ARHGEF12: variants seen among roughly 807,000 people sequenced by gnomAD.
The protein encoded by ARHGEF12 is KMT2A/ARHGEF12 fusion protein.
A neutral mutation model predicts 211.2 loss-of-function variants in ARHGEF12; 66 were observed. That is an observed-to-expected ratio of 0.31 (90% confidence interval 0.26 to 0.38). The LOEUF (loss-of-function observed/expected upper bound fraction) is 0.38, where lower values mean the gene tolerates loss of function less well. Among genes scored for constraint, ARHGEF12 ranks in the 10% least tolerant of loss-of-function variants. The pLI is 1.00. For synonymous variants in ARHGEF12, 592 were observed against 638.4 expected (o/e 0.93, Z 1.09); for missense variants, 1,429 against 1,869.5 (o/e 0.76, Z 4.34).
At chr11:120,362,833 G>T (rs1943313638) in intron 1 of ARHGEF12, among the ~76,000 whole-genome samples, 1 of 152,188 alleles carries the variant, frequency 6.6e-6, no homozygotes, top group African/African-American at 2.4e-5. Context: ...AGGCGCAGTG[G>T]CTCATGCCTG....
intron 1 of ARHGEF12, among the ~76,000 whole-genome samples, chr11:120,374,588 T>A (rs1370251637): frequency 6.6e-6 from 1 of 152,158 alleles, no homozygotes; most frequent in African/African-American, 2.4e-5. Context: ...CTTACGGATT[T>A]TAAATATGTG....
intron 29 of ARHGEF12, 23 bp downstream of exon 29, chr11:120,467,331 A>G (rs2305011): frequency 0.14 from 207,408 of 1,470,502 alleles, 17,876 homozygotes; most frequent in Admixed American, 0.34. Flanking sequence ...CACTGAAATA[A>G]AAAGCTTAAG....
intron 38 of ARHGEF12, among the ~76,000 whole-genome samples, chr11:120,480,780 G>C (rs1947210977): frequency 6.6e-6 from 1 of 152,164 alleles, no homozygotes; most frequent in Non-Finnish European, 1.5e-5. Flanking sequence ...CAAACAGGGT[G>C]ATCAGGGATT....
chr11:120,369,348 T>G (rs1476566664), intron 1 of ARHGEF12, among the ~76,000 whole-genome samples: 1 of 152,056 alleles, frequency 6.6e-6, no homozygotes. Context: ...AGGCTGGTCT[T>G]GAACTCCTGA....
In ARHGEF12 at chr11:120,457,699, TCTTTA is replaced by T; in HGVS notation, c.2190-17_2190-13del. On this transcript the variant is annotated splice_polypyrimidine_tract_variant and intron_variant, in intron 23 of 40. Coordinates refer to ENST00000397843, the MANE Select transcript of ARHGEF12 (RefSeq NM_015313.3). ...GATCACCATTTTGTTTTCATGTTAC[TCTTTA>T]CTTTCCATTGTTTTAGGGTGACTGA... 6.3e-7 allele frequency: 1 copy of T among 1,581,222 alleles called. No homozygotes were observed. Among genetic ancestry groups the T allele is most frequent in the Non-Finnish European group, 8.6e-7 (1 of 1,163,462 alleles).
intron 1 of ARHGEF12, among the ~76,000 whole-genome samples, chr11:120,369,341 C>G (rs1045794030): frequency 6.6e-6 from 1 of 152,068 alleles, no homozygotes; most frequent in African/African-American, 2.4e-5. Context: ...GTTGGCCAGG[C>G]TGGTCTTGAA....
intron 1 of ARHGEF12, among the ~76,000 whole-genome samples, chr11:120,346,598 G>C (rs1222124151): frequency 2.0e-5 from 3 of 152,176 alleles, no homozygotes; most frequent in Non-Finnish European, 4.4e-5. Context: ...ATCCTCTTAA[G>C]GAAAGTGGAG....
intron 1 of ARHGEF12, chr11:120,337,621 G>A (rs942454463): frequency 2.9e-5 from 29 of 985,204 alleles, no homozygotes; most frequent in Non-Finnish European, 3.5e-5. Flanking sequence ...AAGTCGGCTC[G>A]GTATTGGTGT....
intron 4 of ARHGEF12, chr11:120,410,087 T>A (rs1944835697): frequency 6.6e-6 from 1 of 152,184 alleles, no homozygotes; most frequent in Non-Finnish European, 1.5e-5. Flanking sequence ...TGGTACCTTT[T>A]AAATAATCTT....
intron 22 of ARHGEF12, among the ~76,000 whole-genome samples, chr11:120,452,716 T>G (rs1205778136): frequency 6.6e-6 from 1 of 151,894 alleles, no homozygotes; most frequent in Non-Finnish European, 1.5e-5. Context: ...GAAGACAAGG[T>G]CGGGTGCAGT....
chr11:120,453,017 AC>A (rs746855450), intron 22 of ARHGEF12, among the ~76,000 whole-genome samples: 1,646 of 141,474 alleles, frequency 0.012, 34 homozygotes, highest in African/African-American at 0.037. Flanking sequence ...AAAAACAAAA[AC>A]AAAAAAAAAC....
intron 1 of ARHGEF12, among the ~76,000 whole-genome samples, chr11:120,351,417 A>T (rs1306625922): frequency 5.7e-4 from 1 of 1,740 alleles, no homozygotes; most frequent in Admixed American, 7.8e-3. Context: ...GAATATATAT[A>T]TATATATATA....
chr11:120,473,272 C>A (rs1946926982), intron 31 of ARHGEF12, 145 bp downstream of exon 31: 1 of 692,710 alleles, frequency 1.4e-6, no homozygotes, highest in East Asian at 2.8e-5. Context: ...TTTTTTGCTG[C>A]CTTTTAAATG....
intron 3 of ARHGEF12, 99 bp from the exon 4 acceptor site, chr11:120,409,295 A>G (rs1944811930): frequency 8.3e-7 from 1 of 1,209,814 alleles, no homozygotes; most frequent in Admixed American, 1.9e-5. Context: ...TGCACGATTT[A>G]ACTTGATCAT....
In ARHGEF12 at chr11:120,457,322, TTAG is replaced by T. The variant is rs1320538803; in HGVS notation, c.2189+76_2189+78del. ...TTTAAATTATATGCTATTCCTATAC[TTAG>T]TAGCATTCTAGCACTGAAGCCTGGC... is the stretch of plus-strand genomic sequence containing the variant. On this transcript the variant is annotated intron_variant, in intron 23 of 40. Transcript: ENST00000397843. The T allele has an allele frequency of 3.9e-6, 6 of 1,540,380 alleles. No individual in the cohort carries two copies. In the African/African-American group the frequency reaches 5.5e-5, roughly 14 times the overall value.
At chr11:120,448,096 T>C in intron 19 of ARHGEF12, 138 bp from the exon 20 acceptor site, 3 of 762,048 alleles carry the variant, frequency 3.9e-6, no homozygotes, top group Non-Finnish European at 6.4e-6. Context: ...CTCTGTGCAA[T>C]GACTAGTTAG....
At chr11:120,384,711 G>GA (rs1943977236) in intron 1 of ARHGEF12, among the ~76,000 whole-genome samples, 1 of 152,124 alleles carries the variant, frequency 6.6e-6, no homozygotes, top group Non-Finnish European at 1.5e-5. Context: ...CAAACAGACA[G>GA]AGTAGCATGA....
In ARHGEF12 at chr11:120,429,719, A is replaced by G; in HGVS notation, c.671A>G (p.Gln224Arg). Residue 224 changes from glutamine to arginine, a missense_variant, in exon 10 of 41, where the codon CAG becomes CGG. By Grantham distance (43) the Gln-to-Arg change is conservative. Transcript: ENST00000397843. ...QKEQERLQLL[Q>R]EDYNRTPAQR... ...ATTTTTATAACTTTTCAGTTATTGC[A>G]GGAAGATTACAACCGAACACCTGCC... is the stretch of plus-strand genomic sequence containing the variant. 6.2e-7 allele frequency: 1 copy of G among 1,610,660 alleles called. No individual in the cohort carries two copies. Among genetic ancestry groups the G allele is most frequent in the Non-Finnish European group, 8.5e-7 (1 of 1,179,098 alleles).
intron 30 of ARHGEF12, among the ~76,000 whole-genome samples, chr11:120,472,808 C>A (rs559718699): frequency 6.6e-6 from 1 of 152,222 alleles, no homozygotes; most frequent in Non-Finnish European, 1.5e-5. Context: ...GCGCCCGCCA[C>A]CATGCCCGGC....
Sources: allele counts gnomAD v4.1 joint callset (sites outside exome capture counted in the v4.1 genomes callset), GRCh38; gene constraint gnomAD v4.1.1; transcripts MANE v1.5; gene names NCBI Gene and HGNC (gene_info 2026-07-23, HGNC 2026-07-21).